Variants in GPC1 observed in about 807,000 individuals in gnomAD.
GPC1 encodes the protein glypican 1.
GPC1 carries 26 observed loss-of-function variants against 51.5 expected under a neutral mutation model. That is an observed-to-expected ratio of 0.50 (90% CI 0.37 to 0.70). The LOEUF (loss-of-function observed/expected upper bound fraction) is 0.70. Among genes scored for constraint, GPC1 ranks in the 30% least tolerant of loss-of-function variants. GPC1 has a pLI of 0.00. For missense variants in GPC1, 775 were observed against 800.5 expected (o/e 0.97, Z 0.38); for synonymous variants, 380 against 348.3 (o/e 1.09, Z -1.01).
rs773238807 is a variant in GPC1, at chr2:240,452,902, G to T, written c.167-6128G>T. On this transcript the variant is annotated intron_variant, in intron 1 of 8. Transcript: ENST00000264039. ...CCGCAGCCCGCCCTCGTCCCCCGCT[G>T]GCTTTTCGCCTCCTGCGAGCCCTTC... 1.5e-5 allele frequency: 4 copies of T among 269,576 alleles called. 1 individual carries two copies. Among genetic ancestry groups the T allele is most frequent in the South Asian group, 1.2e-4 (4 of 32,732 alleles). 16.7% of individuals were successfully genotyped at this position (269,576 alleles called of 1,614,324 possible). A position where few individuals can be genotyped will look rare whatever the true frequency, so the allele number is the denominator to read the frequency against.
chr2:240,455,740 C>T (rs535221519), intron 1 of GPC1, among the ~76,000 whole-genome samples: 1 of 152,330 alleles, frequency 6.6e-6, no homozygotes, highest in South Asian at 2.1e-4. Context: ...CCCTGGCATT[C>T]TTCCAGGAGG....
rs1380953882 is a variant in GPC1, at chr2:240,464,647, G to C, written c.915G>C (p.Trp305Cys). 6.2e-7 allele frequency: 1 copy of C among 1,613,178 alleles called. No individual in the cohort carries two copies. Among genetic ancestry groups the C allele is most frequent in the Non-Finnish European group, 8.5e-7 (1 of 1,179,922 alleles). ...TGGTGCTCATCACCGACAAGTTCTG[G>C]GGTACATCGGGTGTGGAGAGTGTCA... ...DSMVLITDKF[W>C]GTSGVESVIG... The change falls in exon 5 of 9, where the codon TGG becomes TGC. Residue 305 changes from tryptophan to cysteine, a missense_variant. By Grantham distance (215) the Trp-to-Cys change is radical. Coordinates refer to ENST00000264039, the MANE Select transcript of GPC1 (RefSeq NM_002081.3).
At chr2:240,450,573 G>A (rs999167906) in intron 1 of GPC1, 4 of 470,120 alleles carry the variant, frequency 8.5e-6, no homozygotes, top group East Asian at 1.4e-4. Context: ...ATCTTAGCAG[G>A]GAGACAGCTA....
intron 1 of GPC1, among the ~76,000 whole-genome samples, chr2:240,455,279 G>A (rs1179233067): frequency 6.6e-6 from 1 of 152,236 alleles, no homozygotes; most frequent in African/African-American, 2.4e-5. Context: ...GGGAAGGGAA[G>A]TGTCCCAGTG....
chr2:240,456,916 A>G (rs1247380580), intron 1 of GPC1, among the ~76,000 whole-genome samples: 1 of 151,936 alleles, frequency 6.6e-6, no homozygotes, highest in African/African-American at 2.4e-5. Context: ...CCCCTTCTCT[A>G]CTAGGCCCCA....
Position 240,466,088 on chromosome 2 carries a change from A to G in GPC1, c.1475A>G (p.Asp492Gly). The stretch of plus-strand genomic sequence containing the variant: ...GACGGCAGCGGCTCGGGCAGCGGTG[A>G]TGGCTGTCTGGATGACCTCTGCAGC... ...SDDGSGSGSG[D>G]GCLDDLCSRK... The change falls in exon 9 of 9, where the codon GAT (aspartate) becomes GGT (glycine). Residue 492 changes from aspartate to glycine, a missense_variant. By Grantham distance (94) the Asp-to-Gly change is moderately conservative (BLOSUM62 -1). Transcript: ENST00000264039. 6.2e-7 allele frequency: 1 copy of G among 1,612,288 alleles called. No homozygotes were observed. The highest frequency in any genetic ancestry group is 8.5e-7 in the Non-Finnish European group (1 of 1,179,674).
rs2074071976 is a variant in GPC1, at chr2:240,448,872, T to A, written c.167-10158T>A. On this transcript the variant is annotated intron_variant, in intron 1 of 8. Transcript: ENST00000264039. This position sits in a 1 kb window ranked among gnomAD's most constrained non-coding sequence, Gnocchi z 4.5. ...CAGCGAGGGTGGCCAGGCCTGACCC[T>A]AGTTTTGCAAGAGTGGCCTAATCTC... Among the ~76,000 whole-genome samples the A allele has an allele frequency of 6.6e-6, 1 of 151,972 alleles. No individual in the cohort carries two copies. Among genetic ancestry groups the A allele is most frequent in the Non-Finnish European group, 1.5e-5 (1 of 67,974 alleles).
chr2:240,448,140 C>G lies in GPC1; in HGVS notation c.167-10890C>G, dbSNP rs1479225124. Among the ~76,000 whole-genome samples, 1 of 152,110 alleles carries G rather than the reference C, an allele frequency of 6.6e-6. No homozygotes were observed. Among genetic ancestry groups the G allele is most frequent in the Admixed American group, 6.5e-5 (1 of 15,276 alleles). On this transcript the variant is annotated intron_variant, in intron 1 of 8. Transcript: ENST00000264039. This position sits in a 1 kb window ranked among gnomAD's most constrained non-coding sequence, Gnocchi z 4.5. ...GGAAGAGAGTCAAGGGTGGAGAGTTCAGGAGGCACCGCAGGCCCTGTGGAG... is the reference window on the plus strand; with the variant it reads ...GGAAGAGAGTCAAGGGTGGAGAGTTGAGGAGGCACCGCAGGCCCTGTGGAG...
chr2:240,450,769 A>G (rs957790574), intron 1 of GPC1: 3 of 470,120 alleles, frequency 6.4e-6, no homozygotes, highest in African/African-American at 6.0e-5. Context: ...GACATCATTT[A>G]GACGTGTGCC....
At chr2:240,438,600 G>A (rs868099389) in intron 1 of GPC1, among the ~76,000 whole-genome samples, 3 of 152,220 alleles carry the variant, frequency 2.0e-5, no homozygotes, top group Admixed American at 1.3e-4. Flanking sequence ...TCGCTGGCCC[G>A]GAGCAGGTGG....
chr2:240,446,508 A>C (rs981905253), intron 1 of GPC1, among the ~76,000 whole-genome samples: 5 of 152,220 alleles, frequency 3.3e-5, no homozygotes, highest in African/African-American at 1.2e-4. Context: ...TCTGCATGTG[A>C]GGTTTGCAAC....
intron 4 of GPC1, chr2:240,464,294 G>C (rs992737708): frequency 5.4e-6 from 2 of 368,534 alleles, no homozygotes; most frequent in African/African-American, 4.1e-5. Flanking sequence ...GTGAGCCAGC[G>C]TATGTACATG....
intron 1 of GPC1, among the ~76,000 whole-genome samples, chr2:240,437,187 T>C (rs2073989645): frequency 6.6e-6 from 1 of 151,692 alleles, no homozygotes; most frequent in Non-Finnish European, 1.5e-5. Flanking sequence ...CCCATGGTCC[T>C]GGGGATTCTG....
chr2:240,457,525 C>T lies in GPC1; in HGVS notation c.167-1505C>T, dbSNP rs182578370. The T allele has an allele frequency of 1.6e-3, 732 of 459,826 alleles. 5 individuals carry two copies. Among genetic ancestry groups the T allele is most frequent in the African/African-American group, 0.013 (666 of 49,994 alleles). 28.5% of individuals were successfully genotyped at this position (459,826 alleles called of 1,614,324 possible). ...GATGGCCTCTAGTGGGTAAGGGCTT[C>T]CTGGACCCCAGGCCTGAGGGGTGAC... On this transcript the variant is annotated intron_variant, in intron 1 of 8. Coordinates refer to ENST00000264039, the MANE Select transcript of GPC1 (RefSeq NM_002081.3).
intron 1 of GPC1, among the ~76,000 whole-genome samples, chr2:240,439,098 T>C (rs1175199336): frequency 6.6e-6 from 1 of 152,204 alleles, no homozygotes; most frequent in Admixed American, 6.5e-5. Context: ...TCTGATGTGA[T>C]GTGATGTGTG....
chr2:240,452,670 C>G (rs1231000617), intron 1 of GPC1: 1 of 151,842 alleles, frequency 6.6e-6, no homozygotes, highest in Non-Finnish European at 1.5e-5. Context: ...AAGGCGGGCG[C>G]AGGGCGGCGG....
chr2:240,463,816 G>A (rs536434158), intron 4 of GPC1: 14 of 428,146 alleles, frequency 3.3e-5, no homozygotes, highest in African/African-American at 1.6e-4. Flanking sequence ...GTGACTCATC[G>A]AGGACCGGCA....
chr2:240,449,369 G>C (rs1417709595), intron 1 of GPC1: 4 of 140,566 alleles, frequency 2.8e-5, no homozygotes, highest in African/African-American at 1.1e-4. Flanking sequence ...TGCAAAGACA[G>C]GACACGAGGT....
At chr2:240,436,913 C>T (rs531129527) in intron 1 of GPC1, among the ~76,000 whole-genome samples, 9 of 152,390 alleles carry the variant, frequency 5.9e-5, no homozygotes, top group Admixed American at 5.9e-4. Flanking sequence ...GGCTCTGCCT[C>T]TTCCCTCCCT....
Sources: allele counts gnomAD v4.1 joint callset (sites outside exome capture counted in the v4.1 genomes callset), GRCh38; gene constraint gnomAD v4.1.1; non-coding constraint Gnocchi (gnomAD v3.1); transcripts MANE v1.5; gene names NCBI Gene and HGNC (gene_info 2026-07-23, HGNC 2026-07-21).